Variants in RBP2 observed in about 807,000 individuals in gnomAD.
The protein encoded by RBP2 is retinol binding protein 2.
A neutral mutation model predicts 17.0 loss-of-function variants in RBP2; 17 were observed. The ratio of observed to expected loss-of-function variants is 1.00; its 90% CI spans 0.68 to 1.50. The LOEUF is 1.50. RBP2 is among the 40% of genes most tolerant of loss of function. The pLI is 0.00. For synonymous variants in RBP2, 48 were observed against 57.1 expected (o/e 0.84, Z 0.72); for missense variants, 158 against 168.2 (o/e 0.94, Z 0.33).
chr3:139,467,105 C>T (rs1034319305), intron 1 of RBP2, among the ~76,000 whole-genome samples: 5 of 152,200 alleles, frequency 3.3e-5, no homozygotes, highest in Admixed American at 6.5e-5. Flanking sequence ...TTCTTCCCCA[C>T]CACACCATCA....
chr3:139,453,299 T>A, intron 3 of RBP2, 133 bp from the exon 4 acceptor site: 2 of 906,468 alleles, frequency 2.2e-6, no homozygotes, highest in Non-Finnish European at 3.6e-6. Flanking sequence ...AAAGTGCATC[T>A]CACAGACCCA....
chr3:139,464,321 T>C (rs562713530), intron 1 of RBP2, among the ~76,000 whole-genome samples: 227 of 152,240 alleles, frequency 1.5e-3, no homozygotes, highest in Non-Finnish European at 1.9e-3. Flanking sequence ...TATTCGGGCA[T>C]GATGGAGGTG....
chr3:139,460,100 C>T (rs771056034), intron 2 of RBP2, among the ~76,000 whole-genome samples: 15 of 152,152 alleles, frequency 9.9e-5, no homozygotes, highest in Non-Finnish European at 5.9e-5. Context: ...GAGGACAGGC[C>T]TGCTTTTCAA....
chr3:139,453,815 G>C (rs1190245140), intron 3 of RBP2, among the ~76,000 whole-genome samples: 2 of 152,232 alleles, frequency 1.3e-5, no homozygotes, highest in Non-Finnish European at 2.9e-5. Flanking sequence ...AAGCCACAGA[G>C]AGCACTGGGG....
At chr3:139,470,408 A>G (rs1012182130) in intron 1 of RBP2, among the ~76,000 whole-genome samples, 12 of 151,904 alleles carry the variant, frequency 7.9e-5, no homozygotes, top group African/African-American at 2.9e-4. Context: ...AGCCATGGTC[A>G]TTTCCTGCCT....
At chr3:139,454,628 A>T in intron 3 of RBP2, 101 bp downstream of exon 3, 1 of 1,059,970 alleles carries the variant, frequency 9.4e-7, no homozygotes, top group Non-Finnish European at 1.5e-6. Flanking sequence ...AGCTCGGGGT[A>T]GGAGTGCAGG....
At chr3:139,459,996 GT>G (rs368832564) in intron 2 of RBP2, among the ~76,000 whole-genome samples, 7 of 152,170 alleles carry the variant, frequency 4.6e-5, no homozygotes, top group African/African-American at 1.4e-4. Context: ...GTAGGAGTGT[GT>G]TAACACGTGG....
chr3:139,468,277 G>A (rs770594431), intron 1 of RBP2, among the ~76,000 whole-genome samples: 4 of 152,220 alleles, frequency 2.6e-5, no homozygotes, highest in Non-Finnish European at 4.4e-5. Flanking sequence ...CTTTACAAAC[G>A]CATTCTGTTG....
Position 139,453,755 on chromosome 3 carries a change from T to C in RBP2, c.355-589A>G, listed in dbSNP as rs149999371. Among the ~76,000 whole-genome samples, 385 of 152,270 alleles carry C rather than the reference T, an allele frequency of 2.5e-3. 1 individual carries two copies. The highest frequency in any genetic ancestry group is 7.4e-3 in the African/African-American group (306 of 41,566). On this transcript the variant is annotated intron_variant, in intron 3 of 3. Transcript: ENST00000232217. ...TCGAAGGAGGAGGGAAAAACATGAGTGTGGGAAGGACCACCACAATCATTG... is the reference window on the plus strand; with the variant it reads ...TCGAAGGAGGAGGGAAAAACATGAGCGTGGGAAGGACCACCACAATCATTG...
intron 3 of RBP2, 102 bp from the exon 4 acceptor site, chr3:139,453,268 G>C (rs1943342808): frequency 1.5e-6 from 2 of 1,300,966 alleles, no homozygotes; most frequent in Non-Finnish European, 2.2e-6. Flanking sequence ...GGAATAAAGA[G>C]GACACTTAGG....
At chr3:139,470,478 C>T (rs929150240) in intron 1 of RBP2, among the ~76,000 whole-genome samples, 2 of 151,974 alleles carry the variant, frequency 1.3e-5, no homozygotes, top group Non-Finnish European at 2.9e-5. Flanking sequence ...TCTTGCCCTC[C>T]TATGATTCAT....
At chr3:139,470,106 A>G (rs1365821182) in intron 1 of RBP2, among the ~76,000 whole-genome samples, 2 of 152,164 alleles carry the variant, frequency 1.3e-5, no homozygotes, top group Non-Finnish European at 2.9e-5. Flanking sequence ...CTCCATTTGA[A>G]TGTGTAACAT....
At chr3:139,464,838 C>T (rs1933305849) in intron 1 of RBP2, among the ~76,000 whole-genome samples, 2 of 152,000 alleles carry the variant, frequency 1.3e-5, no homozygotes, top group African/African-American at 2.4e-5. Context: ...TTCTGGATCA[C>T]CTGAAACAAT....
intron 1 of RBP2, among the ~76,000 whole-genome samples, 177 bp downstream of exon 1, chr3:139,476,210 C>T (rs552149231): frequency 6.6e-6 from 1 of 152,172 alleles, no homozygotes; most frequent in African/African-American, 2.4e-5. Context: ...TCCCAGTTTC[C>T]AGATGAGAAA....
rs530974366 is a variant in RBP2 at position 139,456,997 on chromosome 3, A to G, written c.253-2167T>C. On this transcript the variant is annotated intron_variant, in intron 2 of 3. Transcript: ENST00000232217. The stretch of plus-strand genomic sequence containing the variant: ...CCTCTAAAGAGATGAGAAAGGACTC[A>G]TGTCTTCAATTTGGGCAAGGACGGT... 2.6e-5 allele frequency among the ~76,000 whole-genome samples: 4 copies of G among 152,270 alleles called. No individual in the cohort carries two copies. The South Asian group carries it at 8.3e-4, about 32-fold the overall frequency.
intron 2 of RBP2, among the ~76,000 whole-genome samples, chr3:139,457,596 C>G (rs1576420109): frequency 6.6e-6 from 1 of 152,148 alleles, no homozygotes; most frequent in African/African-American, 2.4e-5. Flanking sequence ...TAGCCTTACT[C>G]CTATATAAAA....
chr3:139,465,595 C>T (rs996394679), intron 1 of RBP2, among the ~76,000 whole-genome samples: 2 of 152,078 alleles, frequency 1.3e-5, no homozygotes, highest in Non-Finnish European at 2.9e-5. Context: ...GTTAGACCAT[C>T]CCCATGTGTG....
intron 1 of RBP2, among the ~76,000 whole-genome samples, chr3:139,463,924 C>T (rs893961365): frequency 2.6e-5 from 4 of 152,126 alleles, no homozygotes; most frequent in East Asian, 1.9e-4. Context: ...TCAAATTTAT[C>T]GAGTGCTATT....
intron 2 of RBP2, among the ~76,000 whole-genome samples, chr3:139,459,712 C>T (rs1385084336): frequency 6.6e-6 from 1 of 151,810 alleles, no homozygotes; most frequent in Non-Finnish European, 1.5e-5. Context: ...AGTGAAGTTA[C>T]AGGAAGTAGG....
Sources: allele counts gnomAD v4.1 joint callset (sites outside exome capture counted in the v4.1 genomes callset), GRCh38; gene constraint gnomAD v4.1.1; transcripts MANE v1.5; gene names NCBI Gene and HGNC (gene_info 2026-07-23, HGNC 2026-07-21).